Variants in PHF24 observed in about 807,000 individuals in gnomAD.
PHF24 encodes the protein Galpha inhibitory interacting protein.
In PHF24, 25 loss-of-function variants were observed where a neutral mutation model predicts 42.6. That is an observed-to-expected ratio of 0.59 (90% CI 0.43 to 0.82). The LOEUF (loss-of-function observed/expected upper bound fraction) is 0.82. Among genes scored for constraint, PHF24 ranks in the 40% least tolerant of loss-of-function variants. PHF24 has a pLI of 0.00. For missense variants in PHF24, 470 were observed against 538.1 expected (o/e 0.87, Z 1.25); for synonymous variants, 185 against 204.8 (o/e 0.90, Z 0.83).
the PHF24 span, among the ~76,000 whole-genome samples, chr9:34,828,510 A>T: frequency 6.6e-6 from 1 of 152,130 alleles, no homozygotes. Flanking sequence ...CTCTGGAACA[A>T]ACCTCCTTGA....
At chr9:34,823,202 CAAAAAAAAA>C in the PHF24 span, among the ~76,000 whole-genome samples, 9 of 58,642 alleles carry the variant, frequency 1.5e-4, no homozygotes, top group African/African-American at 2.1e-4. Context: ...GACTCCGTCT[CAAAAAAAAA>C]AAAAAAAAAA....
chr9:34,721,298 C>T, the PHF24 span, among the ~76,000 whole-genome samples: 1 of 152,026 alleles, frequency 6.6e-6, no homozygotes, highest in East Asian at 1.9e-4. Flanking sequence ...TTTTGAAAAG[C>T]CATTTTGGGT....
the PHF24 span, among the ~76,000 whole-genome samples, chr9:34,801,497 G>A: frequency 1.1e-3 from 175 of 152,270 alleles, no homozygotes; most frequent in African/African-American, 4.1e-3. Context: ...GGAGGCTGAG[G>A]TGGGCGGATC....
At chr9:34,688,394 C>T in the PHF24 span, among the ~76,000 whole-genome samples, 1 of 152,152 alleles carries the variant, frequency 6.6e-6, no homozygotes, top group Non-Finnish European at 1.5e-5. Flanking sequence ...TACAGAGAAG[C>T]CCTGTGGGAT....
At chr9:34,958,133 G>C (rs1826435421), upstream of PHF24, among the ~76,000 whole-genome samples, 1 of 148,324 alleles carries the variant, frequency 6.7e-6, no homozygotes, top group South Asian at 2.1e-4. The surrounding 1 kb of genome is among the most constrained non-coding windows in gnomAD (Gnocchi z 4.5). Context: ...AGGACTGGGC[G>C]GGGCGGGGCG....
chr9:34,893,610 A>C, the PHF24 span, among the ~76,000 whole-genome samples: 7 of 151,968 alleles, frequency 4.6e-5, no homozygotes, highest in Admixed American at 2.6e-4. Flanking sequence ...TCAAAAAAAA[A>C]AAAGAAAAAA....
the PHF24 span, among the ~76,000 whole-genome samples, chr9:34,950,116 T>C: frequency 3.6e-3 from 554 of 151,880 alleles, 5 homozygotes; most frequent in African/African-American, 0.013. Flanking sequence ...AATTGACTGG[T>C]GACGGGTGGA....
chr9:34,757,091 G>T, the PHF24 span, among the ~76,000 whole-genome samples: 14 of 152,000 alleles, frequency 9.2e-5, no homozygotes, highest in African/African-American at 2.9e-4. Context: ...TTTTAGCAGA[G>T]ACAGCGTTTC....
At chr9:34,813,344 A>G in the PHF24 span, among the ~76,000 whole-genome samples, 1 of 152,144 alleles carries the variant, frequency 6.6e-6, no homozygotes, top group Non-Finnish European at 1.5e-5. Context: ...ACAGCGTTAT[A>G]TTGGTTTTCT....
At chr9:34,835,577 G>C in the PHF24 span, 1 of 1,551,620 alleles carries the variant, frequency 6.4e-7, no homozygotes, top group Admixed American at 2.0e-5. Flanking sequence ...GACAAGGCTG[G>C]GGTTGCTCTG....
the PHF24 span, among the ~76,000 whole-genome samples, chr9:34,843,802 C>G: frequency 6.6e-6 from 1 of 152,014 alleles, no homozygotes; most frequent in Non-Finnish European, 1.5e-5. Flanking sequence ...TAACTCTTGG[C>G]CTCAAACAAT....
chr9:34,693,193 G>A, the PHF24 span, among the ~76,000 whole-genome samples: 1 of 152,140 alleles, frequency 6.6e-6, no homozygotes, highest in South Asian at 2.1e-4. Context: ...GATGGTTCTG[G>A]TTATTCTGTT....
the PHF24 span, among the ~76,000 whole-genome samples, chr9:34,875,327 A>G: frequency 3.3e-5 from 5 of 152,220 alleles, no homozygotes; most frequent in African/African-American, 9.6e-5. Context: ...ACAAAATGAC[A>G]AAAGTGTATT....
At chr9:34,767,554 G>T in the PHF24 span, among the ~76,000 whole-genome samples, 4 of 152,354 alleles carry the variant, frequency 2.6e-5, no homozygotes, top group East Asian at 7.7e-4. Flanking sequence ...TAAGCCCGTC[G>T]GAAAGGCGCA....
the PHF24 span, among the ~76,000 whole-genome samples, chr9:34,820,854 G>A: frequency 6.6e-6 from 1 of 152,304 alleles, no homozygotes; most frequent in Non-Finnish European, 1.5e-5. Flanking sequence ...TCTATCAGCA[G>A]CGTGTAAGTA....
the PHF24 span, chr9:34,728,184 A>G: frequency 1.9e-6 from 2 of 1,074,338 alleles, no homozygotes; most frequent in Admixed American, 2.6e-5. Flanking sequence ...AGAAAAGACT[A>G]CAATCCTGAA....
chr9:34,830,610 C>T, the PHF24 span, among the ~76,000 whole-genome samples: 3 of 152,146 alleles, frequency 2.0e-5, no homozygotes, highest in Non-Finnish European at 4.4e-5. Flanking sequence ...ATTACCAAAG[C>T]TGCCTTTGGT....
chr9:34,767,753 C>T, the PHF24 span, among the ~76,000 whole-genome samples: 6 of 152,342 alleles, frequency 3.9e-5, no homozygotes, highest in South Asian at 2.1e-4. Flanking sequence ...TGAGATGAAC[C>T]GGGTACCTCA....
the PHF24 span, among the ~76,000 whole-genome samples, chr9:34,946,034 A>C: frequency 6.6e-6 from 1 of 152,190 alleles, no homozygotes; most frequent in African/African-American, 2.4e-5. Flanking sequence ...CCTTTAGTGC[A>C]AATGCAGTTG....
Sources: gnomAD v4.1 joint callset for allele counts (sites outside exome capture counted in the v4.1 genomes callset) on GRCh38, gnomAD v4.1.1 for gene constraint, Gnocchi (gnomAD v3.1) non-coding constraint, MANE v1.5 for transcripts, NCBI Gene and HGNC (gene_info 2026-07-23, HGNC 2026-07-21) for gene names.